Variants in ZDHHC2 observed in about 807,000 individuals in gnomAD.
ZDHHC2 encodes the protein zDHHC palmitoyltransferase 2, also known as palmitoyltransferase ZDHHC2.
ZDHHC2 carries 51 observed loss-of-function variants against 55.6 expected under a neutral mutation model. The observed-to-expected ratio is 0.92, with a 90% confidence interval of 0.73 to 1.16. ZDHHC2 has a LOEUF of 1.16. Among genes scored for constraint, ZDHHC2 ranks in the 50% most tolerant of loss-of-function variants. The pLI is 0.00. For synonymous variants in ZDHHC2, 199 were observed against 152.9 expected, an observed-to-expected ratio of 1.30 and a Z score of -2.22; for missense variants, 491 against 442.4, an observed-to-expected ratio of 1.11 and a Z score of -0.99.
At chr8:17,186,706 G>A (rs999496073) in intron 3 of ZDHHC2, among the ~76,000 whole-genome samples, 1 of 152,098 alleles carries the variant, frequency 6.6e-6, no homozygotes, top group Non-Finnish European at 1.5e-5. Context: ...GACAAAGATA[G>A]ATAATAAAAT....
intron 1 of ZDHHC2, among the ~76,000 whole-genome samples, chr8:17,178,946 C>CT (rs1414871708): frequency 1.3e-5 from 2 of 152,068 alleles, no homozygotes; most frequent in African/African-American, 4.8e-5. Flanking sequence ...TTGTCCTACT[C>CT]TGTTTCTTTC....
At chr8:17,202,667 A>C (rs550529869) in intron 6 of ZDHHC2, among the ~76,000 whole-genome samples, 1 of 151,970 alleles carries the variant, frequency 6.6e-6, no homozygotes, top group African/African-American at 2.4e-5. Flanking sequence ...AAAGCTGTCT[A>C]TTGTGAAGAC....
intron 3 of ZDHHC2, among the ~76,000 whole-genome samples, chr8:17,192,726 A>T (rs182016380): frequency 6.6e-6 from 1 of 152,262 alleles, no homozygotes; most frequent in East Asian, 1.9e-4. Flanking sequence ...AGTTTCCCCA[A>T]CGTTTTCTTT....
intron 7 of ZDHHC2, among the ~76,000 whole-genome samples, chr8:17,207,595 G>C (rs1376593073): frequency 6.6e-6 from 1 of 151,976 alleles, no homozygotes; most frequent in South Asian, 2.1e-4. Flanking sequence ...TTGTGATTCT[G>C]TAGTATGTTA....
chr8:17,221,622 T>C lies in ZDHHC2; in HGVS notation c.*1401T>C, dbSNP rs910366884. The C allele has an allele frequency of 2.6e-5, 4 of 152,440 alleles. No homozygotes were observed. The highest frequency in any genetic ancestry group is 9.7e-5 in the African/African-American group (4 of 41,432). 9.4% of individuals were successfully genotyped at this position (152,440 alleles called of 1,614,324 possible). A position where few individuals can be genotyped will look rare whatever the true frequency, so the allele number is the denominator to read the frequency against. On this transcript the variant is annotated 3_prime_UTR_variant, in exon 13 of 13. Coordinates refer to ENST00000262096, the MANE Select transcript of ZDHHC2 (RefSeq NM_016353.5). ...AATAAACTAGAAGGCCAGAGGATAATGGAATAAAAGATCATTGCAATTACT... is the reference window on the plus strand; with the variant it reads ...AATAAACTAGAAGGCCAGAGGATAACGGAATAAAAGATCATTGCAATTACT...
At position 17,174,266 on chromosome 8, in the gene ZDHHC2, A is replaced by T. The variant is rs567284774; in HGVS notation, c.131-10523A>T. 3.6e-4 allele frequency among the ~76,000 whole-genome samples: 55 copies of T among 152,102 alleles called. No individual in the cohort carries two copies. The South Asian group carries it at 4.0e-3, about 11-fold the overall frequency. ...ACGATGCCCTGCTAATTTATAATTT[A>T]AAAAAAATTTTTTATCTCCATCTTC... On this transcript the variant is annotated intron_variant, in intron 1 of 12. Transcript: ENST00000262096.
intron 3 of ZDHHC2, among the ~76,000 whole-genome samples, chr8:17,193,349 G>C (rs181327500): frequency 3.9e-5 from 6 of 152,168 alleles, no homozygotes; most frequent in African/African-American, 1.4e-4. Context: ...ACCAGGCAGC[G>C]ACTCTTGTTC....
At chr8:17,203,431 C>G (rs930680781) in intron 6 of ZDHHC2, among the ~76,000 whole-genome samples, 3 of 152,058 alleles carry the variant, frequency 2.0e-5, no homozygotes, top group East Asian at 3.9e-4. Flanking sequence ...GGGTTTTCAC[C>G]AAGACCATGC....
At chr8:17,181,067 T>C (rs572261475) in intron 1 of ZDHHC2, among the ~76,000 whole-genome samples, 1 of 152,370 alleles carries the variant, frequency 6.6e-6, no homozygotes, top group South Asian at 2.1e-4. Flanking sequence ...ACTTTCGCTT[T>C]TTTCAACTAT....
At chr8:17,187,191 A>G (rs1303169457) in intron 3 of ZDHHC2, among the ~76,000 whole-genome samples, 2 of 152,208 alleles carry the variant, frequency 1.3e-5, no homozygotes, top group African/African-American at 2.4e-5. Flanking sequence ...GACAACTAGC[A>G]ATCTCTGCTT....
intron 3 of ZDHHC2, among the ~76,000 whole-genome samples, chr8:17,193,696 C>T (rs931061022): frequency 6.6e-6 from 1 of 152,212 alleles, no homozygotes; most frequent in African/African-American, 2.4e-5. Context: ...AGTCAAAAAC[C>T]TTTTAGTGTT....
chr8:17,219,252 T>TAAAAAAAAAAAAA (rs71212684), intron 12 of ZDHHC2, among the ~76,000 whole-genome samples: 38 of 49,560 alleles, frequency 7.7e-4, no homozygotes, highest in South Asian at 1.3e-3. Context: ...AGCAAGACTC[T>TAAAAAAAAAAAAA]AAAAAAAAAA....
chr8:17,167,116 A>G (rs1282179040), intron 1 of ZDHHC2, among the ~76,000 whole-genome samples: 2 of 152,118 alleles, frequency 1.3e-5, no homozygotes, highest in African/African-American at 4.8e-5. Flanking sequence ...CATTTGGGAC[A>G]TATGTTTCTT....
At chr8:17,209,262 C>A (rs2082186793) in intron 8 of ZDHHC2, among the ~76,000 whole-genome samples, 1 of 152,014 alleles carries the variant, frequency 6.6e-6, no homozygotes, top group South Asian at 2.1e-4. Context: ...CCGGTTTGGA[C>A]AAACTAGTTT....
At position 17,197,623 on chromosome 8, in the gene ZDHHC2, C is replaced by T. The variant is rs768223009; in HGVS notation, c.415C>T (p.Arg139Cys). The T allele has an allele frequency of 2.5e-6, 4 of 1,613,780 alleles. No homozygotes were observed. Among genetic ancestry groups the T allele is most frequent in the South Asian group, 1.1e-5 (1 of 91,056 alleles). Residue 139 changes from arginine to cysteine, a missense_variant, in exon 5 of 13, where the codon CGC becomes TGC. Transcript: ENST00000262096. ...CAGATGCCAACTTATAAAACCAGATCGCTGCCATCACTGCTCCGTCTGTGA... is the reference window on the plus strand; with the variant it reads ...CAGATGCCAACTTATAAAACCAGATTGCTGCCATCACTGCTCCGTCTGTGA... ...CDRCQLIKPD[R>C]CHHCSVCDKC... is the part of the protein sequence containing the mutation.
rs148125929 is a variant in ZDHHC2 at position 17,185,869 on chromosome 8, A to G, written c.158-462A>G. On this transcript the variant is annotated intron_variant, in intron 2 of 12. Coordinates refer to ENST00000262096, the MANE Select transcript of ZDHHC2 (RefSeq NM_016353.5). ...CTCCATTTAAATGTGTTATCATTAC[A>G]CCAGCTTTGACTAGAGCCAAGCAAA... is the stretch of plus-strand genomic sequence containing the variant. Among the ~76,000 whole-genome samples the G allele has an allele frequency of 4.7e-4, 72 of 152,358 alleles. No homozygotes were observed. The East Asian group carries it at 9.6e-3, about 20-fold the overall frequency.
Position 17,224,409 on chromosome 8 carries a change from A to C in ZDHHC2, c.*4188A>C, listed in dbSNP as rs776154208. On this transcript the variant is annotated 3_prime_UTR_variant, in exon 13 of 13. Coordinates refer to ENST00000262096, the MANE Select transcript of ZDHHC2 (RefSeq NM_016353.5). ...GGGAAACTTTTAATAAGTTATTTTA[A>C]GCCCTGGTTTATGGCTAGTTCCCTT... The C allele has an allele frequency of 2.0e-5, 3 of 151,708 alleles. No individual in the cohort carries two copies. Among genetic ancestry groups the C allele is most frequent in the African/African-American group, 4.8e-5 (2 of 41,402 alleles). 9.4% of individuals were successfully genotyped at this position (151,708 alleles called of 1,614,324 possible).
chr8:17,169,232 A>AT (rs33912144), intron 1 of ZDHHC2, among the ~76,000 whole-genome samples: 6,925 of 137,324 alleles, frequency 0.05, 198 homozygotes, highest in Non-Finnish European at 0.066. Flanking sequence ...CACTGCAGCA[A>AT]TTTTTTTTTT....
In ZDHHC2 at chr8:17,198,473, C is replaced by G. The variant is rs112203501; in HGVS notation, c.476+60C>G. On this transcript the variant is annotated intron_variant, in intron 6 of 12. Coordinates refer to ENST00000262096, the MANE Select transcript of ZDHHC2 (RefSeq NM_016353.5). ...CCTTGTAAATGTTAATAAATTAAAT[C>G]ACTTATCCATGTAAATCTTTTCACA... 115 of 1,467,522 alleles carry G rather than the reference C, an allele frequency of 7.8e-5. No individual in the cohort carries two copies. In the African/African-American group the frequency reaches 1.5e-3, roughly 19 times the overall value. 90.9% of individuals were successfully genotyped at this position (1,467,522 alleles called of 1,614,324 possible).
Sources: gnomAD v4.1 joint callset for allele counts (sites outside exome capture counted in the v4.1 genomes callset) on GRCh38, gnomAD v4.1.1 for gene constraint, MANE v1.5 for transcripts, NCBI Gene and HGNC (gene_info 2026-07-23, HGNC 2026-07-21) for gene names.